The following BRIP1 variants were observed in gnomAD, a reference collection of about 807,000 sequenced individuals.
BRIP1 encodes BRCA1 interacting DNA helicase 1.
A neutral mutation model predicts 119.7 loss-of-function variants in BRIP1; 88 were observed. The ratio of observed to expected loss-of-function variants is 0.74; its 90% CI spans 0.62 to 0.88. The LOEUF is 0.88. Ranked by LOEUF, BRIP1 falls within the 40% of genes least tolerant of loss-of-function variation. BRIP1 has a pLI of 0.00. For synonymous variants in BRIP1, 443 were observed against 496.5 expected (o/e 0.89, Z 1.43); for missense variants, 1,259 against 1,455.4 (o/e 0.87, Z 2.20).
rs2144335648 is a variant in BRIP1, at chr17:61,710,887, AAAAATT to A, written c.2492+5058_2492+5063del. ...GAAACCCCGTCTCTACTAAAAATAT[AAAAATT>A]AGCTGGGCATGGTAGTGCGTGCCTG... On this transcript the variant is annotated intron_variant, in intron 17 of 19. Coordinates refer to ENST00000259008, the MANE Select transcript of BRIP1 (RefSeq NM_032043.3). The surrounding 1 kb of genome is among the most constrained non-coding windows in gnomAD (Gnocchi z 5.4). 6.6e-6 allele frequency among the ~76,000 whole-genome samples: 1 copy of A among 152,224 alleles called. No individual in the cohort carries two copies. Among genetic ancestry groups the A allele is most frequent in the South Asian group, 2.1e-4 (1 of 4,822 alleles).
Position 61,744,130 on chromosome 17 carries a change from A to G in BRIP1, c.2257+302T>C, listed in dbSNP as rs562581868. ...GAATATAGGTCTCATTTGGCTAGTA[A>G]GGAATATATTTATATATATCCTAAC... On this transcript the variant is annotated intron_variant, in intron 15 of 19. Transcript: ENST00000259008. The surrounding 1 kb of genome is among the most constrained non-coding windows in gnomAD (Gnocchi z 5.0). 5.5e-4 allele frequency among the ~76,000 whole-genome samples: 84 copies of G among 152,322 alleles called. No individual in the cohort carries two copies. Among genetic ancestry groups the G allele is most frequent in the African/African-American group, 2.0e-3 (83 of 41,586 alleles).
chr17:61,693,432 G>C lies in BRIP1; in HGVS notation c.2573C>G (p.Ser858Cys), dbSNP rs1064793893. The C allele has an allele frequency of 6.2e-7, 1 of 1,611,982 alleles. No homozygotes were observed. Among genetic ancestry groups the C allele is most frequent in the Non-Finnish European group, 8.5e-7 (1 of 1,178,148 alleles). ...RFRNNPSRYI[S>C]GLSKWVRQQI... Reference sequence around the variant, plus strand: ...TCTAAGCCCAGCTGAGATCTTACCAGATATATAGCGACTTGGGTTATTCCT... The same window carrying C: ...TCTAAGCCCAGCTGAGATCTTACCACATATATAGCGACTTGGGTTATTCCT... Residue 858 changes from serine (S) to cysteine (C), a missense_variant and splice_region_variant, in exon 18 of 20, where the codon TCT (serine) becomes TGT (cysteine). By Grantham distance (112) the Ser-to-Cys change is moderately radical. This residue lies in a region of BRIP1 where 753 missense variants were observed against 891.8 expected (regional missense o/e 0.84). Transcript: ENST00000259008. The surrounding 1 kb of genome is among the most constrained non-coding windows in gnomAD (Gnocchi z 4.2).
At position 61,738,611 on chromosome 17, in the gene BRIP1, T is replaced by C. The variant is rs1179731725; in HGVS notation, c.2379+4402A>G. 1.3e-5 allele frequency among the ~76,000 whole-genome samples: 2 copies of C among 152,106 alleles called. No individual in the cohort carries two copies. The highest frequency in any genetic ancestry group is 2.9e-5 in the Non-Finnish European group (2 of 68,022). ...TGAGATATTGTCTAGGAAGAATTTA[T>C]CCTGAGGAAAAAAAGCATTAAGAAC... On this transcript the variant is annotated intron_variant, in intron 16 of 19. Coordinates refer to ENST00000259008, the MANE Select transcript of BRIP1 (RefSeq NM_032043.3). The surrounding 1 kb of genome is among the most constrained non-coding windows in gnomAD (Gnocchi z 4.2).
Position 61,770,020 on chromosome 17 carries a change from C to A in BRIP1, c.2097+6381G>T, listed in dbSNP as rs1311673999. Among the ~76,000 whole-genome samples, 1 of 152,160 alleles carries A rather than the reference C, an allele frequency of 6.6e-6. No homozygotes were observed. Among genetic ancestry groups the A allele is most frequent in the African/African-American group, 2.4e-5 (1 of 41,422 alleles). ...CGGGCAGGAGGAGGGAAAAAAACAA[C>A]CATTTTGAAATACGTTCAACGCATT... On this transcript the variant is annotated intron_variant, in intron 14 of 19. Transcript: ENST00000259008. This position sits in a 1 kb window ranked among gnomAD's most constrained non-coding sequence, Gnocchi z 4.7.
Position 61,691,635 on chromosome 17 carries a change from T to C in BRIP1, c.2575+1795A>G, listed in dbSNP as rs1407079382. On this transcript the variant is annotated intron_variant, in intron 18 of 19. Transcript: ENST00000259008. The surrounding 1 kb of genome is among the most constrained non-coding windows in gnomAD (Gnocchi z 5.0). ...CGCACCCGGCTAATTTTTGTATTTT[T>C]AATAGAGATGGGGTTTCACCATGTT... is the stretch of plus-strand genomic sequence containing the variant. Among the ~76,000 whole-genome samples, 2 of 152,162 alleles carry C rather than the reference T, an allele frequency of 1.3e-5. No individual in the cohort carries two copies. Among genetic ancestry groups the C allele is most frequent in the African/African-American group, 4.8e-5 (2 of 41,444 alleles).
intron 10 of BRIP1, among the ~76,000 whole-genome samples, chr17:61,791,157 A>T (rs1323339124): frequency 6.6e-6 from 1 of 151,984 alleles, no homozygotes; most frequent in East Asian, 1.9e-4. Context: ...TTTTGTTCAA[A>T]AACCTCTTTG....
Position 61,708,629 on chromosome 17 carries a change from G to T in BRIP1, c.2492+7322C>A, listed in dbSNP as rs931696208. 4.9e-4 allele frequency among the ~76,000 whole-genome samples: 75 copies of T among 152,084 alleles called. No individual in the cohort carries two copies. The highest frequency in any genetic ancestry group is 4.0e-4 in the Non-Finnish European group (27 of 67,986). Reference sequence around the variant, plus strand: ...TTGTTTGCTTTGTTGGACTTGTTTTGTTGTTGTTGTTTTGGTCTGTTTTTC... The same window carrying T: ...TTGTTTGCTTTGTTGGACTTGTTTTTTTGTTGTTGTTTTGGTCTGTTTTTC... On this transcript the variant is annotated intron_variant, in intron 17 of 19. Transcript: ENST00000259008. This position sits in a 1 kb window ranked among gnomAD's most constrained non-coding sequence, Gnocchi z 4.4.
In BRIP1 at chr17:61,823,573, TA is replaced by T. The variant is rs910492259; in HGVS notation, c.628-14817del. ...GAAGCACAAAGAAGAAAAAATAGCT[TA>T]AAAAATGAACATATAGTCAGTGATG... On this transcript the variant is annotated intron_variant, in intron 6 of 19. Coordinates refer to ENST00000259008, the MANE Select transcript of BRIP1 (RefSeq NM_032043.3). The surrounding 1 kb of genome is among the most constrained non-coding windows in gnomAD (Gnocchi z 4.8). Among the ~76,000 whole-genome samples the T allele has an allele frequency of 6.6e-6, 1 of 152,070 alleles. No individual in the cohort carries two copies.
chr17:61,855,714 C>T (rs1427924316), intron 4 of BRIP1, among the ~76,000 whole-genome samples: 2 of 151,788 alleles, frequency 1.3e-5, no homozygotes, highest in Non-Finnish European at 2.9e-5. Flanking sequence ...AAAATTAATC[C>T]CATTCATTCC....
intron 10 of BRIP1, among the ~76,000 whole-genome samples, chr17:61,784,964 A>G (rs2077683711): frequency 6.6e-6 from 1 of 152,208 alleles, no homozygotes; most frequent in Admixed American, 6.5e-5. Flanking sequence ...GACAATTATT[A>G]ACAGCACAAT....
At chr17:61,819,459 C>A (rs913886607) in intron 6 of BRIP1, among the ~76,000 whole-genome samples, 1 of 152,042 alleles carries the variant, frequency 6.6e-6, no homozygotes, top group Non-Finnish European at 1.5e-5. Context: ...TTCACAATAG[C>A]CAAGATTTGG....
rs539923741 is a variant in BRIP1, at chr17:61,680,395, T to C, written c.*2901A>G. Among the ~76,000 whole-genome samples, 1 of 151,194 alleles carries C rather than the reference T, an allele frequency of 6.6e-6. No individual in the cohort carries two copies. Among genetic ancestry groups the C allele is most frequent in the Non-Finnish European group, 1.5e-5 (1 of 67,818 alleles). On this transcript the variant is annotated 3_prime_UTR_variant, in exon 20 of 20. Coordinates refer to ENST00000259008, the MANE Select transcript of BRIP1 (RefSeq NM_032043.3). ...ATCTAGCTAGGGAAAGGGGAAAGTATTGGAGATGAAGTTGGGTAATAACAC... is the reference window on the plus strand; with the variant it reads ...ATCTAGCTAGGGAAAGGGGAAAGTACTGGAGATGAAGTTGGGTAATAACAC...
chr17:61,719,726 GAA>G (rs746285189), intron 16 of BRIP1, among the ~76,000 whole-genome samples: 2 of 133,808 alleles, frequency 1.5e-5, no homozygotes, highest in Non-Finnish European at 3.2e-5. Context: ...CTCTGTCTCG[GAA>G]AAAAAAAAAA....
chr17:61,733,249 G>A (rs1035968066), intron 16 of BRIP1, among the ~76,000 whole-genome samples: 4 of 152,146 alleles, frequency 2.6e-5, no homozygotes, highest in Non-Finnish European at 4.4e-5. Context: ...ACAGCCAGGT[G>A]CAATTGGCGC....
rs2077054027 is a variant in BRIP1, at chr17:61,746,063, A to G, written c.2098-1472T>C. Among the ~76,000 whole-genome samples, 1 of 152,190 alleles carries G rather than the reference A, an allele frequency of 6.6e-6. No homozygotes were observed. Among genetic ancestry groups the G allele is most frequent in the Admixed American group, 6.5e-5 (1 of 15,280 alleles). On this transcript the variant is annotated intron_variant, in intron 14 of 19. Coordinates refer to ENST00000259008, the MANE Select transcript of BRIP1 (RefSeq NM_032043.3). This position sits in a 1 kb window ranked among gnomAD's most constrained non-coding sequence, Gnocchi z 4.9. ...GAAACCACCCAAAATTCTCTGGAAA[A>G]CAGCAACTGATCAATTTTTATAAGA... is the stretch of plus-strand genomic sequence containing the variant.
In BRIP1 at chr17:61,682,422, T is replaced by G. The variant is rs1459746563; in HGVS notation, c.*874A>C. On this transcript the variant is annotated 3_prime_UTR_variant, in exon 20 of 20. Transcript: ENST00000259008. This position sits in a 1 kb window ranked among gnomAD's most constrained non-coding sequence, Gnocchi z 4.9. ...AATAGAAAATTTGGAATACTTCATT[T>G]GGCATTTTATATCTTTACGTCAATT... The G allele has an allele frequency of 2.4e-5, 5 of 205,178 alleles. No homozygotes were observed. Among genetic ancestry groups the G allele is most frequent in the East Asian group, 2.3e-4 (3 of 13,172 alleles). The allele number at this position is 205,178 out of a possible 1,614,324, so 12.7% of individuals were successfully genotyped here. A position where few individuals can be genotyped will look rare whatever the true frequency, so the allele number is the denominator to read the frequency against.
chr17:61,816,778 C>T lies in BRIP1; in HGVS notation c.628-8021G>A, dbSNP rs1048886230. 8.6e-5 allele frequency among the ~76,000 whole-genome samples: 13 copies of T among 152,036 alleles called. No homozygotes were observed. The highest frequency in any genetic ancestry group is 5.2e-4 in the Admixed American group (8 of 15,276). On this transcript the variant is annotated intron_variant, in intron 6 of 19. Transcript: ENST00000259008. The surrounding 1 kb of genome is among the most constrained non-coding windows in gnomAD (Gnocchi z 5.0). ...AAAAAGGGGAAAAAGAAGACTCAAA[C>T]GAGCAAAATGGGGAAGTGGGCGGGT...
rs1008452398 is a variant in BRIP1 at position 61,793,286 on chromosome 17, TA to T, written c.1473+310del. Among the ~76,000 whole-genome samples the T allele has an allele frequency of 6.6e-6, 1 of 152,106 alleles. No individual in the cohort carries two copies. The highest frequency in any genetic ancestry group is 1.5e-5 in the Non-Finnish European group (1 of 67,990). The stretch of plus-strand genomic sequence containing the variant: ...AGGAATTTCTCCTCTTTTTATTTTC[TA>T]AAATTTTAACTTTTACAATTGACTA... On this transcript the variant is annotated intron_variant, in intron 10 of 19. Transcript: ENST00000259008. This position sits in a 1 kb window ranked among gnomAD's most constrained non-coding sequence, Gnocchi z 5.2.
chr17:61,700,054 T>C lies in BRIP1; in HGVS notation c.2493-6542A>G, dbSNP rs1339492523. Among the ~76,000 whole-genome samples, 1 of 152,110 alleles carries C rather than the reference T, an allele frequency of 6.6e-6. No homozygotes were observed. Among genetic ancestry groups the C allele is most frequent in the Non-Finnish European group, 1.5e-5 (1 of 68,010 alleles). On this transcript the variant is annotated intron_variant, in intron 17 of 19. Coordinates refer to ENST00000259008, the MANE Select transcript of BRIP1 (RefSeq NM_032043.3). This position sits in a 1 kb window ranked among gnomAD's most constrained non-coding sequence, Gnocchi z 4.1. ...TCTTTGCTGACTGTGCTTGGTGTCGTTTCACTGTAATAAATCCTAGCCATG... is the reference window on the plus strand; with the variant it reads ...TCTTTGCTGACTGTGCTTGGTGTCGCTTCACTGTAATAAATCCTAGCCATG...
Sources: gnomAD v4.1 joint callset for allele counts (sites outside exome capture counted in the v4.1 genomes callset) on GRCh38, gnomAD v4.1.1 for gene constraint, gnomAD v4.1.1 regional missense constraint, Gnocchi (gnomAD v3.1) non-coding constraint, MANE v1.5 for transcripts, NCBI Gene and HGNC (gene_info 2026-07-23, HGNC 2026-07-21) for gene names.